GLB1: variants seen among roughly 807,000 people sequenced by gnomAD.
GLB1 encodes the protein beta-galactosidase.
In GLB1, 56 loss-of-function variants were observed where a neutral mutation model predicts 74.0. The observed-to-expected ratio is 0.76, with a 90% CI of 0.61 to 0.94. The LOEUF is 0.94. Ranked by LOEUF, GLB1 falls within the 40% of genes least tolerant of loss-of-function variation. The probability of loss-of-function intolerance (pLI) is 0.00; values close to 1 mark genes in which losing one functional copy is unlikely to be tolerated. For synonymous variants in GLB1, 323 were observed against 323.6 expected (o/e 1.00, Z 0.02); for missense variants, 787 against 845.5 (o/e 0.93, Z 0.86).
intron 5 of GLB1, among the ~76,000 whole-genome samples, chr3:33,063,390 A>C (rs1699530264): frequency 6.6e-6 from 1 of 152,022 alleles, no homozygotes; most frequent in Non-Finnish European, 1.5e-5. Flanking sequence ...AAGGGGCAAA[A>C]ATGATTAGTG....
At chr3:33,028,815 A>C (rs948844131) in intron 10 of GLB1, among the ~76,000 whole-genome samples, 1 of 151,944 alleles carries the variant, frequency 6.6e-6, no homozygotes, top group Non-Finnish European at 1.5e-5. Flanking sequence ...ACAGGCATGC[A>C]CCACCACGCC....
chr3:32,978,761 C>CT, the GLB1 span, among the ~76,000 whole-genome samples: 5,650 of 84,126 alleles, frequency 0.067, 433 homozygotes, highest in East Asian at 0.49. Context: ...TTCTTTCTTT[C>CT]TTTCTTTTTT....
the GLB1 span, among the ~76,000 whole-genome samples, chr3:32,965,843 C>A: frequency 1.3e-5 from 2 of 152,320 alleles, no homozygotes; most frequent in African/African-American, 4.8e-5. Context: ...CTAAAAGGGG[C>A]CAAGGTATAG....
At chr3:33,090,665 TG>T in intron 1 of GLB1, 4 of 985,370 alleles carry the variant, frequency 4.1e-6, no homozygotes, top group Non-Finnish European at 4.8e-6. Flanking sequence ...GGACTAAAGG[TG>T]TCATGGAGAC....
chr3:33,000,623 A>G (rs972336524), intron 15 of GLB1, among the ~76,000 whole-genome samples: 1 of 152,180 alleles, frequency 6.6e-6, no homozygotes, highest in Non-Finnish European at 1.5e-5. Flanking sequence ...GCTACTCAGG[A>G]GGCTGAGGCA....
At chr3:33,080,063 C>T (rs917967680) in intron 1 of GLB1, among the ~76,000 whole-genome samples, 4 of 151,596 alleles carry the variant, frequency 2.6e-5, no homozygotes, top group Admixed American at 6.6e-5. Flanking sequence ...GGATTACTGG[C>T]GTGAGCCACT....
chr3:33,025,467 G>C (rs973615978), intron 10 of GLB1, among the ~76,000 whole-genome samples: 5 of 152,208 alleles, frequency 3.3e-5, no homozygotes, highest in Middle Eastern at 3.2e-3. Flanking sequence ...TTCAAGTAGA[G>C]TGTACTGTGA....
At chr3:33,065,653 T>G (rs1415094941) in intron 4 of GLB1, 96 bp from the exon 5 acceptor site, 5 of 1,419,846 alleles carry the variant, frequency 3.5e-6, no homozygotes, top group Non-Finnish European at 4.8e-6. Flanking sequence ...CAACACAAAT[T>G]CGTAAACTTT....
In GLB1 at chr3:33,051,734, C is replaced by T. The variant is rs1200396489; in HGVS notation, c.955+24G>A. 1 of 1,613,918 alleles carries T rather than the reference C, an allele frequency of 6.2e-7. No homozygotes were observed. Among genetic ancestry groups the T allele is most frequent in the Admixed American group, 1.7e-5 (1 of 60,002 alleles). ...AACAGAAACATTCTAGCATAAGTTT[C>T]TACAGATATTAAAGTGCTCTTACCA... On this transcript the variant is annotated intron_variant, in intron 9 of 15. Transcript: ENST00000307363.
chr3:33,037,628 C>T (rs927552096), intron 10 of GLB1, among the ~76,000 whole-genome samples: 1 of 152,034 alleles, frequency 6.6e-6, no homozygotes, highest in Non-Finnish European at 1.5e-5. Context: ...TAACAGGATA[C>T]CCTTTGGGTC....
At chr3:33,077,301 G>T in intron 1 of GLB1, 1 of 1,572,016 alleles carries the variant, frequency 6.4e-7, no homozygotes. Flanking sequence ...GTGCAGTTTA[G>T]GATTAAGAGG....
At chr3:33,074,366 AAGGAAGGAAGGAAGG>A (rs1559412860) in intron 1 of GLB1, among the ~76,000 whole-genome samples, 10 of 124,008 alleles carry the variant, frequency 8.1e-5, no homozygotes, top group African/African-American at 2.9e-4. Flanking sequence ...GGAAGGAAGG[AAGGAAGGAAGGAAGG>A]AAGGAAGGAA....
chr3:33,014,404 G>T, intron 14 of GLB1, 94 bp from the exon 15 acceptor site: 1 of 1,551,376 alleles, frequency 6.4e-7, no homozygotes. Context: ...AAGCAAACCG[G>T]GATACAAAAC....
chr3:32,962,321 G>A, the GLB1 span, among the ~76,000 whole-genome samples: 1 of 152,028 alleles, frequency 6.6e-6, no homozygotes, highest in Non-Finnish European at 1.5e-5. Context: ...CAAAAAGAAT[G>A]GACGTTAGTT....
At chr3:32,966,513 A>T in the GLB1 span, among the ~76,000 whole-genome samples, 1 of 152,168 alleles carries the variant, frequency 6.6e-6, no homozygotes, top group Non-Finnish European at 1.5e-5. Flanking sequence ...CCCATAGGTA[A>T]GAAGGGAGTT....
At chr3:33,024,983 T>C (rs1230035641) in intron 10 of GLB1, among the ~76,000 whole-genome samples, 1 of 152,090 alleles carries the variant, frequency 6.6e-6, no homozygotes, top group African/African-American at 2.4e-5. Context: ...CTCGGTCTTG[T>C]TGCCCAGGCT....
At chr3:32,989,080 A>G in the GLB1 span, among the ~76,000 whole-genome samples, 2 of 152,152 alleles carry the variant, frequency 1.3e-5, no homozygotes, top group African/African-American at 2.4e-5. Context: ...GTATTTTACC[A>G]TATTTGTCCT....
At chr3:33,021,252 T>C (rs1276694412) in intron 12 of GLB1, 1 of 409,006 alleles carries the variant, frequency 2.4e-6, no homozygotes, top group Non-Finnish European at 4.6e-6. Context: ...GATCTTCCAC[T>C]GATGCCTAGT....
chr3:33,013,532 G>A (rs1354652785), intron 15 of GLB1, among the ~76,000 whole-genome samples: 3 of 152,138 alleles, frequency 2.0e-5, no homozygotes, highest in Admixed American at 6.6e-5. Flanking sequence ...AGGAGAAGGC[G>A]GTGAAGGAAG....
Sources: allele counts gnomAD v4.1 joint callset (sites outside exome capture counted in the v4.1 genomes callset), GRCh38; gene constraint gnomAD v4.1.1; transcripts MANE v1.5; gene names NCBI Gene and HGNC (gene_info 2026-07-23, HGNC 2026-07-21).